The following SYNPO2 variants were observed in gnomAD, a reference collection of about 807,000 sequenced individuals.
SYNPO2 encodes synaptopodin-2.
SYNPO2 carries 56 observed loss-of-function variants against 85.0 expected under a neutral mutation model. That is an observed-to-expected ratio of 0.66 (90% CI 0.53 to 0.82). The LOEUF is 0.82. SYNPO2 is among the 40% of genes least tolerant of loss of function. The pLI is 0.00. For missense variants in SYNPO2, 1,575 were observed against 1,534.2 expected, an observed-to-expected ratio of 1.03 and a Z score of -0.44; for synonymous variants, 602 against 591.1, an observed-to-expected ratio of 1.02 and a Z score of -0.27.
intron 1 of SYNPO2, among the ~76,000 whole-genome samples, chr4:119,016,336 G>T (rs1178361608): frequency 1.3e-5 from 2 of 150,998 alleles, no homozygotes; most frequent in Non-Finnish European, 2.9e-5. Flanking sequence ...AGTATTGCTT[G>T]AACCTGGGAG....
intron 1 of SYNPO2, among the ~76,000 whole-genome samples, chr4:118,878,378 G>A (rs1438602128): frequency 6.6e-6 from 1 of 152,016 alleles, no homozygotes; most frequent in Non-Finnish European, 1.5e-5. Flanking sequence ...TAAATAAGAT[G>A]AAATAAAACA....
At chr4:118,873,960 A>G (rs1296249320) in intron 1 of SYNPO2, among the ~76,000 whole-genome samples, 1 of 118,854 alleles carries the variant, frequency 8.4e-6, no homozygotes, top group Non-Finnish European at 1.9e-5. Flanking sequence ...ACCGGCATTT[A>G]TTAAAAAGAG....
chr4:118,940,117 C>G (rs949388084), intron 1 of SYNPO2, among the ~76,000 whole-genome samples: 5 of 151,800 alleles, frequency 3.3e-5, no homozygotes, highest in Non-Finnish European at 7.4e-5. Flanking sequence ...TCTCGAGTAG[C>G]TGGGACCACA....
At chr4:118,865,722 A>G (rs1731688921) in intron 1 of SYNPO2, among the ~76,000 whole-genome samples, 1 of 152,226 alleles carries the variant, frequency 6.6e-6, no homozygotes. Flanking sequence ...AGATGAAAGA[A>G]TAACCTGAAA....
intron 4 of SYNPO2, among the ~76,000 whole-genome samples, chr4:119,051,377 G>C (rs1739041379): frequency 6.6e-6 from 1 of 150,672 alleles, no homozygotes; most frequent in Non-Finnish European, 1.5e-5. Context: ...TTTTAGTAGA[G>C]ACGGGGTTTC....
chr4:118,975,358 T>C (rs1479585891), intron 1 of SYNPO2, among the ~76,000 whole-genome samples: 1 of 152,224 alleles, frequency 6.6e-6, no homozygotes, highest in Admixed American at 6.5e-5. Flanking sequence ...TTTGGGGTTG[T>C]CTGGGCAAGA....
At chr4:118,996,988 C>T (rs1002955375) in intron 1 of SYNPO2, among the ~76,000 whole-genome samples, 3 of 151,766 alleles carry the variant, frequency 2.0e-5, no homozygotes, top group Admixed American at 6.6e-5. Context: ...CGCCTGTAAT[C>T]CCAGCACTTT....
intron 1 of SYNPO2, among the ~76,000 whole-genome samples, chr4:118,952,664 A>G (rs894102055): frequency 5.9e-5 from 9 of 152,156 alleles, no homozygotes; most frequent in Admixed American, 1.3e-4. Flanking sequence ...TACTATTTCA[A>G]TTGTTATTGT....
At chr4:118,970,422 C>T (rs1311272577) in intron 1 of SYNPO2, among the ~76,000 whole-genome samples, 1 of 152,210 alleles carries the variant, frequency 6.6e-6, no homozygotes, top group Non-Finnish European at 1.5e-5. Context: ...TAGTGAATAA[C>T]TCTGTCCCTT....
At chr4:118,993,218 TTGTG>T (rs1212492858) in intron 1 of SYNPO2, among the ~76,000 whole-genome samples, 3 of 152,136 alleles carry the variant, frequency 2.0e-5, no homozygotes, top group Non-Finnish European at 4.4e-5. Context: ...AAATGTGTAT[TTGTG>T]TGTGTTTGTG....
intron 1 of SYNPO2, among the ~76,000 whole-genome samples, chr4:119,002,347 G>T (rs151299448): frequency 1.1e-4 from 16 of 152,104 alleles, no homozygotes; most frequent in African/African-American, 3.6e-4. Context: ...TGCAACCTCT[G>T]CCTCCCCAGT....
intron 3 of SYNPO2, 93 bp downstream of exon 3, chr4:119,027,531 T>C: frequency 2.5e-6 from 3 of 1,214,338 alleles, no homozygotes; most frequent in Non-Finnish European, 2.2e-6. Context: ...AGATTTTTCT[T>C]ATGTTTCTCA....
intron 4 of SYNPO2, chr4:119,035,460 AG>A (rs1738467971): frequency 1.0e-6 from 1 of 985,414 alleles, no homozygotes; most frequent in African/African-American, 1.7e-5. Context: ...AAACAAACAC[AG>A]TTTCTGCATT....
intron 4 of SYNPO2, among the ~76,000 whole-genome samples, chr4:119,048,607 A>G (rs1037742428): frequency 6.6e-6 from 1 of 152,226 alleles, no homozygotes; most frequent in Non-Finnish European, 1.5e-5. Flanking sequence ...CTGAGTGATC[A>G]TGTAATATTT....
intron 1 of SYNPO2, among the ~76,000 whole-genome samples, chr4:118,918,595 A>T (rs1733434406): frequency 6.6e-6 from 1 of 152,224 alleles, no homozygotes; most frequent in Non-Finnish European, 1.5e-5. Flanking sequence ...GCACTAGAGC[A>T]TATAGAGTTC....
At chr4:118,934,337 G>A (rs1310088566) in intron 1 of SYNPO2, among the ~76,000 whole-genome samples, 1 of 152,076 alleles carries the variant, frequency 6.6e-6, no homozygotes, top group Non-Finnish European at 1.5e-5. Context: ...TTCTTTGCTT[G>A]GTTTCCTTGT....
At chr4:119,036,276 A>G (rs1392454344) in intron 4 of SYNPO2, 1 of 985,414 alleles carries the variant, frequency 1.0e-6, no homozygotes, top group Non-Finnish European at 1.2e-6. Flanking sequence ...CTTTAAAATC[A>G]GGGTTGTTGA....
intron 1 of SYNPO2, among the ~76,000 whole-genome samples, chr4:118,924,676 T>C (rs981983873): frequency 6.6e-6 from 1 of 152,210 alleles, no homozygotes; most frequent in African/African-American, 2.4e-5. Context: ...GCTAGAGGGC[T>C]GTAGAATCTC....
chr4:118,880,614 G>A (rs1732067303), intron 1 of SYNPO2, among the ~76,000 whole-genome samples: 1 of 151,978 alleles, frequency 6.6e-6, no homozygotes, highest in South Asian at 2.1e-4. Flanking sequence ...TGGGCGTGGT[G>A]GCTGTTGCCT....
Sources: gnomAD v4.1 joint callset for allele counts (sites outside exome capture counted in the v4.1 genomes callset) on GRCh38, gnomAD v4.1.1 for gene constraint, MANE v1.5 for transcripts, NCBI Gene and HGNC (gene_info 2026-07-23, HGNC 2026-07-21) for gene names.